Variants in SYN3 observed in about 807,000 individuals in gnomAD.
SYN3 encodes synapsin-3.
A neutral mutation model predicts 65.8 loss-of-function variants in SYN3; 35 were observed. The ratio of observed to expected loss-of-function variants is 0.53; its 90% CI spans 0.41 to 0.70. The LOEUF (loss-of-function observed/expected upper bound fraction) is 0.70. SYN3 is among the 30% of genes least tolerant of loss of function. The probability of loss-of-function intolerance (pLI) is 0.00; values close to 1 mark genes in which losing one functional copy is unlikely to be tolerated. For synonymous variants in SYN3, 270 were observed against 292.9 expected, an observed-to-expected ratio of 0.92 and a Z score of 0.80; for missense variants, 680 against 749.0, an observed-to-expected ratio of 0.91 and a Z score of 1.08.
intron 6 of SYN3, among the ~76,000 whole-genome samples, chr22:32,617,796 GGA>G (rs1418780138): frequency 6.6e-6 from 1 of 151,906 alleles, no homozygotes; most frequent in African/African-American, 2.4e-5. Context: ...GCAGGGTTAG[GGA>G]GAGGAGGGGT....
At chr22:32,891,008 A>G (rs2049430585) in intron 4 of SYN3, among the ~76,000 whole-genome samples, 1 of 152,160 alleles carries the variant, frequency 6.6e-6, no homozygotes, top group African/African-American at 2.4e-5. Flanking sequence ...GGGAGGCAGA[A>G]CTGAGACCAC....
At chr22:32,994,277 C>T (rs900137743) in intron 2 of SYN3, among the ~76,000 whole-genome samples, 8 of 152,108 alleles carry the variant, frequency 5.3e-5, no homozygotes, top group Admixed American at 5.2e-4. Context: ...GGACCCCTCC[C>T]TCCCCCAGAC....
chr22:32,969,909 T>C (rs1039314372), intron 3 of SYN3, among the ~76,000 whole-genome samples: 1 of 152,222 alleles, frequency 6.6e-6, no homozygotes, highest in Non-Finnish European at 1.5e-5. Flanking sequence ...ATGGGAACTA[T>C]GATTGAACAT....
chr22:32,972,129 T>A (rs1219617058), intron 3 of SYN3, among the ~76,000 whole-genome samples: 1 of 152,200 alleles, frequency 6.6e-6, no homozygotes, highest in African/African-American at 2.4e-5. Flanking sequence ...TTCCTCAATG[T>A]GCATTACAGC....
intron 6 of SYN3, among the ~76,000 whole-genome samples, chr22:32,795,158 G>A (rs1469739019): frequency 6.6e-6 from 1 of 152,186 alleles, no homozygotes; most frequent in Non-Finnish European, 1.5e-5. Context: ...AAGCCACGGA[G>A]CACAAGTGAA....
intron 6 of SYN3, among the ~76,000 whole-genome samples, chr22:32,806,168 G>A (rs375161044): frequency 1.3e-5 from 2 of 151,966 alleles, no homozygotes; most frequent in African/African-American, 2.4e-5. Flanking sequence ...GGAGGTACCC[G>A]GTCTGCCAGT....
At chr22:32,556,382 T>C (rs1015071374) in intron 7 of SYN3, among the ~76,000 whole-genome samples, 8 of 152,196 alleles carry the variant, frequency 5.3e-5, no homozygotes, top group African/African-American at 1.9e-4. Context: ...ACTTAGTTTT[T>C]GGCACAACCA....
Position 32,509,158 on chromosome 22 carries a change from C to T in SYN3, c.*4534G>A, listed in dbSNP as rs894052853. On this transcript the variant is annotated 3_prime_UTR_variant, in exon 14 of 14. Coordinates refer to ENST00000358763, the MANE Select transcript of SYN3 (RefSeq NM_003490.4). ...ACCAAAGTACGGTACCATTTTATCG[C>T]GCTGACGGGAGGAAGATCTGGAAGA... Among the ~76,000 whole-genome samples, 11 of 152,152 alleles carry T rather than the reference C, an allele frequency of 7.2e-5. No individual in the cohort carries two copies. Among genetic ancestry groups the T allele is most frequent in the East Asian group, 3.9e-4 (2 of 5,194 alleles).
chr22:32,846,489 C>T (rs1242656158), intron 6 of SYN3, among the ~76,000 whole-genome samples: 1 of 152,244 alleles, frequency 6.6e-6, no homozygotes, highest in African/African-American at 2.4e-5. Flanking sequence ...GTAGCAAACA[C>T]ATGAGGTTTG....
chr22:32,919,246 G>A (rs1018021081), intron 4 of SYN3, among the ~76,000 whole-genome samples: 8 of 152,134 alleles, frequency 5.3e-5, no homozygotes, highest in Non-Finnish European at 8.8e-5. Context: ...CTCCACTCAA[G>A]TCACCTCCTC....
At chr22:32,623,718 T>A (rs1344041246) in intron 6 of SYN3, among the ~76,000 whole-genome samples, 1 of 152,248 alleles carries the variant, frequency 6.6e-6, no homozygotes, top group East Asian at 1.9e-4. Flanking sequence ...ATGTTGTGGA[T>A]ACAGTGGTGA....
At chr22:32,849,413 G>C in intron 6 of SYN3, 1 of 1,590,082 alleles carries the variant, frequency 6.3e-7, no homozygotes, top group Non-Finnish European at 8.6e-7. Context: ...TGTGGTTCAG[G>C]CCTTCCTAAC....
At chr22:32,757,056 T>TGG (rs1569199986) in intron 6 of SYN3, among the ~76,000 whole-genome samples, 17 of 49,694 alleles carry the variant, frequency 3.4e-4, no homozygotes, top group African/African-American at 2.1e-3. Context: ...GCACTTTTTT[T>TGG]TGAGGGGGGG....
At chr22:32,615,365 C>T (rs371467621) in intron 6 of SYN3, among the ~76,000 whole-genome samples, 14 of 130,392 alleles carry the variant, frequency 1.1e-4, no homozygotes, top group East Asian at 4.7e-4. Context: ...AACCAGGAGG[C>T]GGAGGTTGCA....
chr22:33,044,308 A>ATGCC (rs1469150114), intron 1 of SYN3, among the ~76,000 whole-genome samples: 2 of 152,138 alleles, frequency 1.3e-5, no homozygotes, highest in African/African-American at 4.8e-5. Flanking sequence ...TTCCTCAAAC[A>ATGCC]TGCCTAGTCA....
chr22:32,609,968 A>G (rs1007155628), intron 6 of SYN3, among the ~76,000 whole-genome samples: 3 of 152,182 alleles, frequency 2.0e-5, no homozygotes, highest in Admixed American at 2.0e-4. Flanking sequence ...TAGAAATGTG[A>G]AGGAAACTAG....
chr22:32,821,223 C>T (rs2047238443), intron 6 of SYN3, among the ~76,000 whole-genome samples: 1 of 152,074 alleles, frequency 6.6e-6, no homozygotes, highest in Non-Finnish European at 1.5e-5. Context: ...AAACTCTGAG[C>T]CTTGGTTTTC....
chr22:32,912,186 C>G (rs551520165), intron 4 of SYN3, among the ~76,000 whole-genome samples: 1 of 152,120 alleles, frequency 6.6e-6, no homozygotes, highest in African/African-American at 2.4e-5. Flanking sequence ...GATAGTTGCC[C>G]GCAGAGCTTT....
intron 3 of SYN3, among the ~76,000 whole-genome samples, chr22:32,952,320 G>A (rs1272383396): frequency 6.6e-6 from 1 of 151,614 alleles, no homozygotes; most frequent in Non-Finnish European, 1.5e-5. Flanking sequence ...GTGTGGACAG[G>A]CAGGGTGGGG....
Sources: allele counts gnomAD v4.1 joint callset (sites outside exome capture counted in the v4.1 genomes callset), GRCh38; gene constraint gnomAD v4.1.1; transcripts MANE v1.5; gene names NCBI Gene and HGNC (gene_info 2026-07-23, HGNC 2026-07-21).